CAPZB: variants seen among roughly 807,000 people sequenced by gnomAD.
The protein encoded by CAPZB is capping actin protein of muscle Z-line subunit beta.
In CAPZB, 2 loss-of-function variants were observed where a neutral mutation model predicts 38.1. That is an observed-to-expected ratio of 0.05 (90% CI 0.02 to 0.17). The LOEUF is 0.17. Ranked by LOEUF, CAPZB falls within the 10% of genes least tolerant of loss-of-function variation. CAPZB has a pLI of 1.00. For missense variants in CAPZB, 161 were observed against 334.2 expected, an observed-to-expected ratio of 0.48 and a Z score of 4.04; for synonymous variants, 107 against 127.4, an observed-to-expected ratio of 0.84 and a Z score of 1.08.
At chr1:19,351,551 C>T (rs1569902618) in intron 6 of CAPZB, among the ~76,000 whole-genome samples, 1 of 152,232 alleles carries the variant, frequency 6.6e-6, no homozygotes, top group East Asian at 1.9e-4. Context: ...CCTGGCCAAA[C>T]AATCTTCTTG....
At chr1:19,384,328 C>T (rs2094192977) in intron 3 of CAPZB, among the ~76,000 whole-genome samples, 1 of 152,124 alleles carries the variant, frequency 6.6e-6, no homozygotes, top group Non-Finnish European at 1.5e-5. Context: ...GCCTCAGCAC[C>T]CAGCAGGCTC....
intron 3 of CAPZB, among the ~76,000 whole-genome samples, chr1:19,384,096 C>T (rs954429492): frequency 3.9e-5 from 6 of 152,192 alleles, no homozygotes; most frequent in African/African-American, 1.4e-4. Flanking sequence ...AAGTATATGA[C>T]AATGTCTGTG....
intron 1 of CAPZB, among the ~76,000 whole-genome samples, chr1:19,482,727 T>C (rs2094634187): frequency 1.3e-5 from 2 of 152,216 alleles, no homozygotes; most frequent in Admixed American, 6.5e-5. Context: ...TTTCCCTCAA[T>C]GGATAACAGA....
intron 1 of CAPZB, among the ~76,000 whole-genome samples, chr1:19,460,431 C>T (rs186952871): frequency 1.4e-4 from 21 of 152,262 alleles, no homozygotes; most frequent in Non-Finnish European, 8.8e-5. Flanking sequence ...TGCCCGCCAC[C>T]GCGCCCGGCT....
intron 3 of CAPZB, among the ~76,000 whole-genome samples, chr1:19,384,404 G>A (rs1558209037): frequency 6.6e-6 from 1 of 152,160 alleles, no homozygotes; most frequent in Non-Finnish European, 1.5e-5. Flanking sequence ...CTGCCTGCCC[G>A]TCCTCTCCCT....
At chr1:19,469,743 C>CACACAT (rs1553294640) in intron 1 of CAPZB, among the ~76,000 whole-genome samples, 5 of 87,462 alleles carry the variant, frequency 5.7e-5, no homozygotes, top group African/African-American at 2.6e-4. Flanking sequence ...GAAAAGAATA[C>CACACAT]ACACACACAC....
intron 1 of CAPZB, among the ~76,000 whole-genome samples, chr1:19,467,908 A>T (rs979186703): frequency 3.9e-5 from 6 of 152,196 alleles, no homozygotes; most frequent in Non-Finnish European, 7.4e-5. Flanking sequence ...CAGAGCTCTC[A>T]AGAGCTGTGC....
At chr1:19,451,597 C>T (rs764628587) in intron 1 of CAPZB, among the ~76,000 whole-genome samples, 6 of 152,144 alleles carry the variant, frequency 3.9e-5, no homozygotes, top group South Asian at 2.1e-4. Flanking sequence ...GAGAGGGAGA[C>T]GCCACCATCC....
chr1:19,385,921 A>C, intron 2 of CAPZB: 1 of 476,644 alleles, frequency 2.1e-6, no homozygotes, highest in Non-Finnish European at 4.1e-6. Context: ...TAGTAAATTT[A>C]AGTGTGTATG....
intron 1 of CAPZB, among the ~76,000 whole-genome samples, chr1:19,429,431 G>C (rs1220376006): frequency 6.6e-6 from 1 of 152,088 alleles, no homozygotes; most frequent in Non-Finnish European, 1.5e-5. Context: ...GACTCTAAAG[G>C]CAGAGATACG....
chr1:19,348,442 GA>G (rs1419118490), intron 6 of CAPZB, among the ~76,000 whole-genome samples: 5 of 152,098 alleles, frequency 3.3e-5, no homozygotes, highest in Non-Finnish European at 5.9e-5. Context: ...TAAAAGGTCT[GA>G]ACACCCTGAC....
chr1:19,413,751 T>C (rs2094367392), intron 2 of CAPZB, among the ~76,000 whole-genome samples: 1 of 152,200 alleles, frequency 6.6e-6, no homozygotes, highest in Non-Finnish European at 1.5e-5. Flanking sequence ...TAAGCCTGCT[T>C]ACTCTATTAA....
chr1:19,351,487 G>A (rs1419015710), intron 6 of CAPZB, among the ~76,000 whole-genome samples: 1 of 152,118 alleles, frequency 6.6e-6, no homozygotes, highest in Non-Finnish European at 1.5e-5. Flanking sequence ...GTTTTGTTGG[G>A]AGGGGTGAAG....
intron 1 of CAPZB, among the ~76,000 whole-genome samples, chr1:19,432,107 T>G (rs2094444440): frequency 2.0e-5 from 3 of 151,604 alleles, no homozygotes; most frequent in African/African-American, 7.3e-5. Context: ...TGAATAAAAT[T>G]CTACATTATT....
rs1204569243 is a variant in CAPZB, at chr1:19,392,205, AAG to A, written c.94-6581_94-6580del. On this transcript the variant is annotated intron_variant, in intron 2 of 8. Transcript: ENST00000264202. ...CTCAAGGTAAAAAAAAAAAAAAAAA[AAG>A]AGGCAGGAAGCGAACCTGCAGGAGA... 8.0e-5 allele frequency among the ~76,000 whole-genome samples: 12 copies of A among 150,490 alleles called. No homozygotes were observed. In the South Asian group the frequency reaches 2.3e-3, roughly 29 times the overall value.
At chr1:19,372,230 T>C (rs1482182193) in intron 4 of CAPZB, among the ~76,000 whole-genome samples, 1 of 152,214 alleles carries the variant, frequency 6.6e-6, no homozygotes, top group African/African-American at 2.4e-5. Context: ...TTTCAATCAA[T>C]TGCACACCCA....
chr1:19,366,305 T>TATATATAAAA (rs1396564571), intron 4 of CAPZB, among the ~76,000 whole-genome samples: 1 of 97,600 alleles, frequency 1.0e-5, no homozygotes, highest in African/African-American at 4.7e-5. Flanking sequence ...TATATATATA[T>TATATATAAAA]ATATAAATAA....
chr1:19,368,450 G>C (rs1398424683), intron 4 of CAPZB, among the ~76,000 whole-genome samples: 1 of 148,236 alleles, frequency 6.7e-6, no homozygotes, highest in African/African-American at 2.5e-5. Context: ...TTTGAGACCA[G>C]CCTGGGCAAC....
intron 2 of CAPZB, among the ~76,000 whole-genome samples, chr1:19,401,421 T>C (rs1444060937): frequency 6.6e-6 from 1 of 152,176 alleles, no homozygotes; most frequent in Non-Finnish European, 1.5e-5. Context: ...CCCCTTGGTC[T>C]CCGGAATGGA....
Sources: allele counts gnomAD v4.1 joint callset (sites outside exome capture counted in the v4.1 genomes callset), GRCh38; gene constraint gnomAD v4.1.1; transcripts MANE v1.5; gene names NCBI Gene and HGNC (gene_info 2026-07-23, HGNC 2026-07-21).